Variants in NTAQ1 observed in about 807,000 individuals in gnomAD.
NTAQ1 encodes the protein N-terminal glutamine amidase 1.
Under a neutral mutation model 28.2 loss-of-function variants are expected in NTAQ1, and 21 were observed. The observed-to-expected ratio is 0.74, with a 90% CI of 0.53 to 1.07. The LOEUF (loss-of-function observed/expected upper bound fraction) is 1.07. NTAQ1 is among the 50% of genes least tolerant of loss of function. The pLI is 0.00. For missense variants in NTAQ1, 264 were observed against 256.6 expected (o/e 1.03, Z -0.20); for synonymous variants, 105 against 90.0 (o/e 1.17, Z -0.94).
downstream of NTAQ1, among the ~76,000 whole-genome samples, chr8:123,453,064 G>A (rs1815549933): frequency 6.6e-6 from 1 of 152,160 alleles, no homozygotes; most frequent in Non-Finnish European, 1.5e-5. Flanking sequence ...AAATTGTGGG[G>A]CAAGATGTTA....
intron 2 of NTAQ1, 85 bp from the exon 3 acceptor site, chr8:123,429,897 AT>A: frequency 6.3e-6 from 4 of 639,270 alleles, no homozygotes; most frequent in Non-Finnish European, 4.7e-6. Context: ...AAAAAAAAAA[AT>A]CCCGTCTCAA....
rs1815897334 is a variant in NTAQ1, at chr8:123,463,867, G to T, written c.373-3212G>T. ...CCAAATCTCATCTTGAATTGTAGCT[G>T]CCATAATTCCTACTTGTCGTGGGAG... On this transcript the variant is annotated intron_variant, in intron 6 of 6. Transcript: ENST00000650311. 2.0e-5 allele frequency among the ~76,000 whole-genome samples: 3 copies of T among 152,290 alleles called. No individual in the cohort carries two copies. In the South Asian group the frequency reaches 6.2e-4, roughly 32 times the overall value.
chr8:123,436,169 CAAAAAA>C (rs34240319), intron 3 of NTAQ1, among the ~76,000 whole-genome samples: 1 of 85,986 alleles, frequency 1.2e-5, no homozygotes, highest in South Asian at 4.1e-4. Context: ...GACTCCATCT[CAAAAAA>C]AAAAAAAAAA....
chr8:123,430,226 T>A (rs745878456), intron 3 of NTAQ1, among the ~76,000 whole-genome samples, 193 bp downstream of exon 3: 2 of 152,260 alleles, frequency 1.3e-5, no homozygotes, highest in African/African-American at 2.4e-5. Context: ...CTTTTAACTT[T>A]TTGTTTTGAA....
Position 123,436,532 on chromosome 8 carries a change from C to G in NTAQ1, c.314C>G (p.Pro105Arg). ...GATCTCGATACTGTCTTGCCATTTCCCTGCCTCTTTGACACTTATGTAGAA... is the reference window on the plus strand; with the variant it reads ...GATCTCGATACTGTCTTGCCATTTCGCTGCCTCTTTGACACTTATGTAGAA... ...IYDLDTVLPF[P>R]CLFDTYVEDA... Residue 105 changes from proline to arginine, a missense_variant, in exon 4 of 6, where the codon CCC becomes CGC. Physicochemically the swap from Pro to Arg is moderately radical, Grantham distance 103 (BLOSUM62 -2). Transcript: ENST00000287387. 1 of 1,614,016 alleles carries G rather than the reference C, an allele frequency of 6.2e-7. No individual in the cohort carries two copies. Among genetic ancestry groups the G allele is most frequent in the Non-Finnish European group, 8.5e-7 (1 of 1,179,970 alleles).
At chr8:123,431,355 A>T (rs1814380018) in intron 3 of NTAQ1, among the ~76,000 whole-genome samples, 1 of 141,060 alleles carries the variant, frequency 7.1e-6, no homozygotes, top group South Asian at 2.4e-4. Flanking sequence ...AAAAAAAAAA[A>T]AATAGAGTTT....
In NTAQ1 at chr8:123,435,422, GTCC is replaced by G. The variant is rs375712334; in HGVS notation, c.235-1026_235-1024del. 116 of 974,808 alleles carry G rather than the reference GTCC, an allele frequency of 1.2e-4. No homozygotes were observed. The African/African-American group carries it at 2.0e-3, about 17-fold the overall frequency. The allele number at this position is 974,808 out of a possible 1,614,324, so 60.4% of individuals were successfully genotyped here. On this transcript the variant is annotated intron_variant, in intron 3 of 5. Coordinates refer to ENST00000287387, the MANE Select transcript of NTAQ1 (RefSeq NM_018024.3). ...AAGTGGTTCCAAACTAGAAATTAAA[GTCC>G]TCCTTCTCCTCTCCAGGCTGACCCC...
At chr8:123,432,507 C>T (rs558186213) in intron 3 of NTAQ1, among the ~76,000 whole-genome samples, 73 of 151,566 alleles carry the variant, frequency 4.8e-4, no homozygotes, top group Non-Finnish European at 8.7e-4. Context: ...TGGTGGTGGG[C>T]GCTTGTAGTC....
intron 6 of NTAQ1, among the ~76,000 whole-genome samples, chr8:123,455,649 C>T (rs777439360): frequency 4.0e-5 from 6 of 151,700 alleles, no homozygotes; most frequent in Non-Finnish European, 8.8e-5. Flanking sequence ...GGTCTGGAAC[C>T]CCTGAGCTCA....
downstream of NTAQ1, among the ~76,000 whole-genome samples, chr8:123,445,470 G>A (rs530500642): frequency 9.9e-5 from 15 of 151,780 alleles, no homozygotes; most frequent in African/African-American, 3.4e-4. Context: ...TGTATTCTGC[G>A]ATACATATGG....
chr8:123,425,170 C>T (rs1008021781), intron 1 of NTAQ1, among the ~76,000 whole-genome samples: 1 of 152,046 alleles, frequency 6.6e-6, no homozygotes, highest in African/African-American at 2.4e-5. Flanking sequence ...TGGCTCACTG[C>T]AACCTCCGCC....
downstream of NTAQ1, among the ~76,000 whole-genome samples, chr8:123,442,616 A>C (rs1815120007): frequency 6.6e-6 from 1 of 151,350 alleles, no homozygotes; most frequent in Non-Finnish European, 1.5e-5. Flanking sequence ...AAAAAAGAAA[A>C]GAAACTGACA....
downstream of NTAQ1, among the ~76,000 whole-genome samples, chr8:123,449,929 ATGTG>A (rs368162793): frequency 2.2e-4 from 15 of 66,676 alleles, no homozygotes; most frequent in Non-Finnish European, 3.0e-4. Flanking sequence ...GTATATATAT[ATGTG>A]TGTGTGTGTG....
chr8:123,432,077 C>T (rs1814430819), intron 3 of NTAQ1, among the ~76,000 whole-genome samples: 1 of 152,170 alleles, frequency 6.6e-6, no homozygotes, highest in Non-Finnish European at 1.5e-5. Context: ...TTTGCTTTGC[C>T]TCGCTGCTGT....
chr8:123,440,146 C>CTTTTTTTTTTTTTTTT (rs577877415), intron 5 of NTAQ1, among the ~76,000 whole-genome samples: 3 of 56,572 alleles, frequency 5.3e-5, no homozygotes, highest in African/African-American at 2.3e-4. Flanking sequence ...GGATTAACTC[C>CTTTTTTTTTTTTTTTT]TTTTTTTTTT....
chr8:123,456,092 G>T (rs1815642306), intron 6 of NTAQ1, among the ~76,000 whole-genome samples: 2 of 152,092 alleles, frequency 1.3e-5, no homozygotes, highest in African/African-American at 4.8e-5. Flanking sequence ...TCAAGTTAGT[G>T]GCCCTCCCCA....
chr8:123,416,996 C>A, intron 1 of NTAQ1, 64 bp downstream of exon 1: 1 of 1,368,290 alleles, frequency 7.3e-7, no homozygotes. Context: ...CGCAACCGGG[C>A]CCCGCCTCTT....
intron 6 of NTAQ1, among the ~76,000 whole-genome samples, chr8:123,455,905 G>A (rs898757720): frequency 8.5e-5 from 13 of 152,156 alleles, no homozygotes; most frequent in African/African-American, 3.1e-4. Flanking sequence ...TGGCTGGTGT[G>A]GCTAATTACA....
Position 123,441,357 on chromosome 8 carries a change from G to A in NTAQ1, c.560G>A (p.Trp187Ter). The change falls in exon 6 of 6, where the codon TGG (tryptophan) becomes TAG (stop). Residue 187 changes from tryptophan (W) to a stop codon, truncating the protein, a stop_gained. Coordinates refer to ENST00000287387, the MANE Select transcript of NTAQ1 (RefSeq NM_018024.3). LOFTEE classifies it high-confidence loss of function. Reference protein sequence around the residue: ...DFISMDPKVGWGAVYTLSEFT... With the variant: ...DFISMDPKVG ...ATCAGTATGGATCCCAAGGTAGGAT[G>A]GGGCGCCGTCTACACACTATCCGAA... The A allele has an allele frequency of 6.2e-7, 1 of 1,612,458 alleles. No individual in the cohort carries two copies. Among genetic ancestry groups the A allele is most frequent in the Non-Finnish European group, 8.5e-7 (1 of 1,179,144 alleles).
Sources: gnomAD v4.1 joint callset for allele counts (sites outside exome capture counted in the v4.1 genomes callset) on GRCh38, gnomAD v4.1.1 for gene constraint, MANE v1.5 for transcripts, NCBI Gene and HGNC (gene_info 2026-07-23, HGNC 2026-07-21) for gene names.